Variants in JADE1 observed in about 807,000 individuals in gnomAD.
JADE1 encodes the protein jade family PHD finger 1, also known as protein Jade-1.
In JADE1, 14 loss-of-function variants were observed where a neutral mutation model predicts 81.8. That is an observed-to-expected ratio of 0.17 (90% confidence interval 0.11 to 0.27). The LOEUF is 0.27. JADE1 is among the 10% of genes least tolerant of loss of function. The probability of loss-of-function intolerance (pLI) is 1.00; values close to 1 mark genes in which losing one functional copy is unlikely to be tolerated. For missense variants in JADE1, 690 were observed against 1,047.9 expected (o/e 0.66, Z 4.71); for synonymous variants, 353 against 391.9 (o/e 0.90, Z 1.17).
intron 2 of JADE1, among the ~76,000 whole-genome samples, chr4:128,838,019 T>TAC (rs1729122280): frequency 6.6e-6 from 1 of 152,190 alleles, no homozygotes; most frequent in Non-Finnish European, 1.5e-5. Context: ...TCTTCAGGTT[T>TAC]TCCTTATTTT....
At chr4:128,812,726 G>T (rs969534813) in intron 1 of JADE1, among the ~76,000 whole-genome samples, 2 of 152,254 alleles carry the variant, frequency 1.3e-5, no homozygotes, top group East Asian at 3.9e-4. Flanking sequence ...GTCGTCATCC[G>T]GAGACCGTTT....
intron 1 of JADE1, among the ~76,000 whole-genome samples, chr4:128,816,639 G>A (rs886414220): frequency 6.6e-6 from 1 of 152,176 alleles, no homozygotes; most frequent in Non-Finnish European, 1.5e-5. Context: ...TTATCACTAG[G>A]AAAGGGGCCA....
chr4:128,868,120 G>T, intron 10 of JADE1, 147 bp downstream of exon 10: 1 of 498,038 alleles, frequency 2.0e-6, no homozygotes. Flanking sequence ...TCTTTAATTT[G>T]AGGCATCATG....
rs987191944 is a variant in JADE1 at position 128,874,193 on chromosome 4, C to A, written c.*1931C>A. 1 of 152,474 alleles carries A rather than the reference C, an allele frequency of 6.6e-6. No individual in the cohort carries two copies. The highest frequency in any genetic ancestry group is 2.4e-5 in the African/African-American group (1 of 41,382). The allele number at this position is 152,474 out of a possible 1,614,324, so 9.4% of individuals were successfully genotyped here. ...ATTTTTTTTGCATATGAGCAAAAACCTTTTGCTGGATACAGGAGAAGGTTG... is the reference window on the plus strand; with the variant it reads ...ATTTTTTTTGCATATGAGCAAAAACATTTTGCTGGATACAGGAGAAGGTTG... On this transcript the variant is annotated 3_prime_UTR_variant, in exon 11 of 11. Coordinates refer to ENST00000226319, the MANE Select transcript of JADE1 (RefSeq NM_199320.4).
Position 128,846,679 on chromosome 4 carries a change from A to C in JADE1, c.296+147A>C. ...TCATGAGGCCTCAAGTGGAAATAGA[A>C]ATTCAGGAGCAACATACTTCAGGCA... On this transcript the variant is annotated intron_variant, in intron 4 of 10. Coordinates refer to ENST00000226319, the MANE Select transcript of JADE1 (RefSeq NM_199320.4). The surrounding 1 kb of genome is among the most constrained non-coding windows in gnomAD (Gnocchi z 4.0). The C allele has an allele frequency of 1.2e-6, 1 of 835,876 alleles. No homozygotes were observed. Among genetic ancestry groups the C allele is most frequent in the South Asian group, 1.8e-5 (1 of 55,392 alleles). 51.8% of individuals were successfully genotyped at this position (835,876 alleles called of 1,614,324 possible).
rs768462263 is a variant in JADE1 at position 128,862,057 on chromosome 4, A to G, written c.1335A>G (p.Glu445=). Residue 445 remains glutamate (E), a synonymous_variant, in exon 9 of 11, where the codon GAA becomes GAG. Coordinates refer to ENST00000226319, the MANE Select transcript of JADE1 (RefSeq NM_199320.4). ...DVARALRLPE[E]VVDFLYQYWK... is the part of the protein sequence containing the mutation. ...CCAGGGCTCTGCGGCTGCCTGAGGA[A>G]GTAGTGGATTTCCTGTACCAGTACT... 3 of 1,614,172 alleles carry G rather than the reference A, an allele frequency of 1.9e-6. No individual in the cohort carries two copies. Among genetic ancestry groups the G allele is most frequent in the Non-Finnish European group, 2.5e-6 (3 of 1,180,020 alleles).
At position 128,871,613 on chromosome 4, in the gene JADE1, C is replaced by T. The variant is rs1732201195; in HGVS notation, c.1880C>T (p.Pro627Leu). The stretch of plus-strand genomic sequence containing the variant: ...GGTAGAAGGGAGGGGATGGTGGTCC[C>T]AGAGAGCTTTTTGGGTTTAGAAAAG... ...LCGRREGMVV[P>L]ESFLGLEKTF... The change falls in exon 11 of 11, where the codon CCA (proline) becomes CTA (leucine). Residue 627 changes from proline to leucine, a missense_variant. Coordinates refer to ENST00000226319, the MANE Select transcript of JADE1 (RefSeq NM_199320.4). The surrounding 1 kb of genome is among the most constrained non-coding windows in gnomAD (Gnocchi z 4.1). The T allele has an allele frequency of 6.2e-7, 1 of 1,614,034 alleles. No homozygotes were observed. Among genetic ancestry groups the T allele is most frequent in the Non-Finnish European group, 8.5e-7 (1 of 1,180,048 alleles).
chr4:128,858,471 G>A (rs1730985082), intron 8 of JADE1, among the ~76,000 whole-genome samples: 1 of 152,120 alleles, frequency 6.6e-6, no homozygotes, highest in South Asian at 2.1e-4. Flanking sequence ...CTTTCTCAAA[G>A]CAGCTCAGCA....
intron 2 of JADE1, among the ~76,000 whole-genome samples, chr4:128,836,972 C>T (rs1436624937): frequency 6.6e-6 from 1 of 152,130 alleles, no homozygotes; most frequent in Admixed American, 6.6e-5. Context: ...TCTCAAAGGT[C>T]CAAAGGGAGA....
chr4:128,811,772 C>A (rs1397942761), intron 1 of JADE1: 3 of 150,602 alleles, frequency 2.0e-5, no homozygotes, highest in Non-Finnish European at 3.0e-5. Flanking sequence ...CCGGTTCCGG[C>A]GGGCGGCCGC....
chr4:128,820,525 T>TA (rs1430081629), intron 1 of JADE1, among the ~76,000 whole-genome samples: 1 of 152,228 alleles, frequency 6.6e-6, no homozygotes, highest in African/African-American at 2.4e-5. Context: ...ACCTTGCTTC[T>TA]AGGTTTGAGA....
chr4:128,811,789 T>C (rs987764767), intron 1 of JADE1: 12 of 148,786 alleles, frequency 8.1e-5, no homozygotes, highest in African/African-American at 2.7e-4. Flanking sequence ...CCGCAGGCGT[T>C]TGTTTGTTGG....
chr4:128,855,499 T>C, intron 6 of JADE1, 131 bp from the exon 7 acceptor site: 1 of 941,860 alleles, frequency 1.1e-6, no homozygotes, highest in South Asian at 2.2e-5. Flanking sequence ...GCCAGGAAGC[T>C]GTGGGAGCGT....
intron 1 of JADE1, among the ~76,000 whole-genome samples, chr4:128,826,256 A>T (rs929752807): frequency 6.6e-6 from 1 of 152,180 alleles, no homozygotes; most frequent in African/African-American, 2.4e-5. Flanking sequence ...CCACGCTGAG[A>T]GGCCTTGTTT....
intron 2 of JADE1, among the ~76,000 whole-genome samples, chr4:128,833,797 A>C (rs1018215381): frequency 6.6e-6 from 1 of 152,210 alleles, no homozygotes; most frequent in Non-Finnish European, 1.5e-5. Context: ...AGCCCTATTT[A>C]AATATTTTTC....
At chr4:128,864,234 G>A (rs943038983) in intron 9 of JADE1, 25 of 594,016 alleles carry the variant, frequency 4.2e-5, no homozygotes, top group Non-Finnish European at 5.1e-5. Context: ...TGCAGCCTCC[G>A]CCTCCCGGGT....
chr4:128,823,292 G>C (rs1307885853), intron 1 of JADE1, among the ~76,000 whole-genome samples: 1 of 152,202 alleles, frequency 6.6e-6, no homozygotes. Context: ...ATTGGCAAAT[G>C]AGAGCTGCTT....
In JADE1 at chr4:128,867,991, G is replaced by A; in HGVS notation, c.1621+18G>A. ...AGTTTCAGGTATGCATTAAGCCCTG[G>A]TAGGTCAAAGTATAGGGCAGGGGTT... On this transcript the variant is annotated intron_variant, in intron 10 of 10. Transcript: ENST00000226319. 1 of 1,375,316 alleles carries A rather than the reference G, an allele frequency of 7.3e-7. No homozygotes were observed. Among genetic ancestry groups the A allele is most frequent in the Non-Finnish European group, 1.0e-6 (1 of 963,428 alleles). 85.2% of individuals were successfully genotyped at this position (1,375,316 alleles called of 1,614,324 possible).
At chr4:128,857,694 C>T (rs896756152) in intron 8 of JADE1, among the ~76,000 whole-genome samples, 7 of 152,208 alleles carry the variant, frequency 4.6e-5, no homozygotes, top group African/African-American at 1.7e-4. Context: ...TTCCCCTGAG[C>T]TGTGAGGCGG....
Sources: gnomAD v4.1 joint callset for allele counts (sites outside exome capture counted in the v4.1 genomes callset) on GRCh38, gnomAD v4.1.1 for gene constraint, Gnocchi (gnomAD v3.1) non-coding constraint, MANE v1.5 for transcripts, NCBI Gene and HGNC (gene_info 2026-07-23, HGNC 2026-07-21) for gene names.